Variants in IGF1 observed in about 807,000 individuals in gnomAD.
IGF1 encodes insulin-like growth factor 1.
A neutral mutation model predicts 13.8 loss-of-function variants in IGF1; 4 were observed. The observed-to-expected ratio is 0.29, with a 90% CI of 0.14 to 0.66. The LOEUF (loss-of-function observed/expected upper bound fraction) is 0.66. Ranked by LOEUF, IGF1 falls within the 30% of genes least tolerant of loss-of-function variation. The pLI is 0.78. For synonymous variants in IGF1, 76 were observed against 72.6 expected (o/e 1.05, Z -0.23); for missense variants, 124 against 188.5 (o/e 0.66, Z 2.00).
chr12:102,472,213 G>A (rs2137256132), intron 2 of IGF1, among the ~76,000 whole-genome samples: 1 of 152,210 alleles, frequency 6.6e-6, no homozygotes, highest in Admixed American at 6.5e-5. Context: ...TTCATAAAAT[G>A]TCTAGGGAAG....
chr12:102,410,038 G>T (rs1254548507), intron 3 of IGF1, among the ~76,000 whole-genome samples: 1 of 152,112 alleles, frequency 6.6e-6, no homozygotes, highest in Non-Finnish European at 1.5e-5. Flanking sequence ...AGTGACTGGG[G>T]CATCCCTAGG....
At chr12:102,441,958 T>TTCTTCTTTCTTCTTC in intron 2 of IGF1, among the ~76,000 whole-genome samples, 1 of 41,192 alleles carries the variant, frequency 2.4e-5, no homozygotes, top group African/African-American at 1.0e-4. Flanking sequence ...TCTTCTTCTT[T>TTCTTCTTTCTTCTTC]TTTTTTTTTG....
chr12:102,451,894 G>A (rs1035504848), intron 2 of IGF1, among the ~76,000 whole-genome samples: 4 of 152,098 alleles, frequency 2.6e-5, no homozygotes, highest in African/African-American at 7.2e-5. Flanking sequence ...GATGGTGAGT[G>A]AGTTCTCATG....
At chr12:102,437,375 A>T (rs959554920) in intron 2 of IGF1, among the ~76,000 whole-genome samples, 3 of 152,236 alleles carry the variant, frequency 2.0e-5, no homozygotes, top group Admixed American at 2.0e-4. Flanking sequence ...GGAGCACACA[A>T]GCTAATCAAA....
intron 2 of IGF1, among the ~76,000 whole-genome samples, chr12:102,437,538 A>G (rs1190634110): frequency 6.6e-6 from 1 of 152,222 alleles, no homozygotes; most frequent in Non-Finnish European, 1.5e-5. Flanking sequence ...CAAATACTAT[A>G]TGATCTCACT....
chr12:102,443,557 A>G (rs763235476), intron 2 of IGF1, among the ~76,000 whole-genome samples: 18 of 152,120 alleles, frequency 1.2e-4, no homozygotes, highest in Non-Finnish European at 2.5e-4. Flanking sequence ...ACAAACTTCC[A>G]TATTGTTTAA....
chr12:102,431,267 A>G (rs752516201), intron 2 of IGF1, among the ~76,000 whole-genome samples: 14 of 152,358 alleles, frequency 9.2e-5, no homozygotes, highest in Non-Finnish European at 1.9e-4. Context: ...GAAAAGACTC[A>G]AACTTAGAGG....
intron 2 of IGF1, among the ~76,000 whole-genome samples, chr12:102,421,275 A>G (rs755531199): frequency 5.3e-4 from 81 of 152,300 alleles, no homozygotes; most frequent in Non-Finnish European, 9.4e-4. Context: ...TGGACTCCCA[A>G]TGGCTGTGGC....
Position 102,402,548 on chromosome 12 carries a change from C to G in IGF1, c.421G>C (p.Ala141Pro). Residue 141 changes from alanine to proline, a missense_variant, in exon 4 of 4, where the codon GCA (alanine) becomes CCA (proline). Transcript: ENST00000337514. ...TTGTTTCCTGCACTCCCTCTACTTGCGTTCTTCAAATGTACTTCCTATAAA... is the reference window on the plus strand; with the variant it reads ...TTGTTTCCTGCACTCCCTCTACTTGGGTTCTTCAAATGTACTTCCTATAAA... ...KTQKEVHLKN[A>P]SRGSAGNKNY... 1 of 780,776 alleles carries G rather than the reference C, an allele frequency of 1.3e-6. No homozygotes were observed. Among genetic ancestry groups the G allele is most frequent in the Non-Finnish European group, 2.4e-6 (1 of 417,944 alleles). The allele number at this position is 780,776 out of a possible 1,614,324, so 48.4% of individuals were successfully genotyped here. A position where few individuals can be genotyped will look rare whatever the true frequency, so the allele number is the denominator to read the frequency against.
intron 2 of IGF1, among the ~76,000 whole-genome samples, chr12:102,441,906 G>GCTT (rs770800968): frequency 2.0e-5 from 2 of 100,292 alleles, no homozygotes; most frequent in African/African-American, 3.9e-5. Context: ...CTATTACACT[G>GCTT]CTTCTTCTCC....
rs1480128697 is a variant in IGF1, at chr12:102,402,556, A to C, written c.413T>G (p.Leu138Trp). 1.3e-6 allele frequency: 1 copy of C among 780,800 alleles called. No individual in the cohort carries two copies. Among genetic ancestry groups the C allele is most frequent in the Admixed American group, 1.7e-5 (1 of 59,026 alleles). 48.4% of individuals were successfully genotyped at this position (780,800 alleles called of 1,614,324 possible). A position where few individuals can be genotyped will look rare whatever the true frequency, so the allele number is the denominator to read the frequency against. The change falls in exon 4 of 4, where the codon TTG (leucine) becomes TGG (tryptophan). Residue 138 changes from leucine to tryptophan, a missense_variant. Coordinates refer to ENST00000337514, the MANE Select transcript of IGF1 (RefSeq NM_000618.5). ...DMPKTQKEVH[L>W]KNASRGSAGN... ...TGCACTCCCTCTACTTGCGTTCTTC[A>C]AATGTACTTCCTATAAATAAAGGAG...
At chr12:102,404,763 G>GTT (rs5800510) in intron 3 of IGF1, among the ~76,000 whole-genome samples, 2,544 of 144,844 alleles carry the variant, frequency 0.018, 61 homozygotes, top group African/African-American at 0.053. Flanking sequence ...TTTTTTTGTT[G>GTT]TTTTTTTTTT....
chr12:102,463,599 A>T (rs918451702), intron 2 of IGF1: 2 of 152,226 alleles, frequency 1.3e-5, no homozygotes, highest in African/African-American at 2.4e-5. Flanking sequence ...TCATGATGTT[A>T]TCCGATGGAT....
chr12:102,470,384 A>G (rs539660183), intron 2 of IGF1, among the ~76,000 whole-genome samples: 7 of 152,334 alleles, frequency 4.6e-5, no homozygotes, highest in South Asian at 2.1e-4. Context: ...GGGCATTAGC[A>G]TGTCAGAAAA....
At chr12:102,410,291 A>C (rs1874523158) in intron 3 of IGF1, among the ~76,000 whole-genome samples, 1 of 152,216 alleles carries the variant, frequency 6.6e-6, no homozygotes, top group Non-Finnish European at 1.5e-5. Context: ...AAAATACTTC[A>C]GGATCAGGGC....
rs1218968965 is a variant in IGF1, at chr12:102,397,287, G to T, written c.*5220C>A. On this transcript the variant is annotated 3_prime_UTR_variant, in exon 4 of 4. Transcript: ENST00000337514. ...TAATTCTAGAGTTTCAGCTTGGTCA[G>T]CCCTCTATAAAATTCTGAGGCAGAT... 1 of 152,798 alleles carries T rather than the reference G, an allele frequency of 6.5e-6. No individual in the cohort carries two copies. The highest frequency in any genetic ancestry group is 1.5e-5 in the Non-Finnish European group (1 of 68,580). 9.5% of individuals were successfully genotyped at this position (152,798 alleles called of 1,614,324 possible).
At chr12:102,473,888 G>C (rs1357544690) in intron 2 of IGF1, among the ~76,000 whole-genome samples, 2 of 152,034 alleles carry the variant, frequency 1.3e-5, no homozygotes, top group Non-Finnish European at 2.9e-5. Flanking sequence ...AAACATCATA[G>C]GCATAGAAAG....
In IGF1 at chr12:102,418,740, G is replaced by A. The variant is rs5742689; in HGVS notation, c.402+769C>T. 7.2e-3 allele frequency among the ~76,000 whole-genome samples: 1,088 copies of A among 152,156 alleles called. 12 individuals carry two copies. The highest frequency in any genetic ancestry group is 0.025 in the African/African-American group (1,024 of 41,520). On this transcript the variant is annotated intron_variant, in intron 3 of 3. Transcript: ENST00000337514. Reference sequence around the variant, plus strand: ...TTCGTTCACTCATTCAAGAGAAATCGATCAAGTGACTAAATGTGCATCAGA... The same window carrying A: ...TTCGTTCACTCATTCAAGAGAAATCAATCAAGTGACTAAATGTGCATCAGA...
At chr12:102,440,346 T>C (rs1008013602) in intron 2 of IGF1, among the ~76,000 whole-genome samples, 14 of 152,138 alleles carry the variant, frequency 9.2e-5, no homozygotes. Flanking sequence ...TTGTGTGGGA[T>C]TGGAAGATGT....
Sources: gnomAD v4.1 joint callset for allele counts (sites outside exome capture counted in the v4.1 genomes callset) on GRCh38, gnomAD v4.1.1 for gene constraint, MANE v1.5 for transcripts, NCBI Gene and HGNC (gene_info 2026-07-23, HGNC 2026-07-21) for gene names.